The following SLC8A1 variants were observed in gnomAD, a reference collection of about 807,000 sequenced individuals.
The protein encoded by SLC8A1 is solute carrier family 8 member A1, also known as sodium/calcium exchanger 1.
SLC8A1 carries 18 observed loss-of-function variants against 68.3 expected under a neutral mutation model. The ratio of observed to expected loss-of-function variants is 0.26; its 90% confidence interval spans 0.18 to 0.39. The LOEUF (loss-of-function observed/expected upper bound fraction) is 0.39, where lower values mean the gene tolerates loss of function less well. SLC8A1 is among the 10% of genes least tolerant of loss of function. The pLI, the probability that SLC8A1 is intolerant of heterozygous loss-of-function variation, is 1.00. For synonymous variants in SLC8A1, 475 were observed against 415.5 expected (o/e 1.14, Z -1.74); for missense variants, 985 against 1,156.7 (o/e 0.85, Z 2.15).
At chr2:40,274,467 T>C (rs935639679) in intron 2 of SLC8A1, among the ~76,000 whole-genome samples, 2 of 152,098 alleles carry the variant, frequency 1.3e-5, no homozygotes, top group Non-Finnish European at 2.9e-5. Context: ...AAAATGAGCA[T>C]GCCAGAGAAA....
chr2:40,433,110 A>G (rs1401546744), intron 1 of SLC8A1, among the ~76,000 whole-genome samples: 2 of 152,132 alleles, frequency 1.3e-5, no homozygotes, highest in South Asian at 4.1e-4. Flanking sequence ...GCATCATTCC[A>G]TTCTTCACGT....
intron 2 of SLC8A1, among the ~76,000 whole-genome samples, chr2:40,412,895 A>G (rs1373932415): frequency 6.6e-6 from 1 of 152,158 alleles, no homozygotes; most frequent in East Asian, 1.9e-4. Flanking sequence ...TTTTCTGGTT[A>G]TCATTGCTGA....
intron 2 of SLC8A1, among the ~76,000 whole-genome samples, chr2:40,332,409 G>A (rs1248355060): frequency 1.5e-5 from 2 of 129,074 alleles, no homozygotes; most frequent in Non-Finnish European, 3.2e-5. Flanking sequence ...TCCTCTTTCT[G>A]CAACATGTGT....
intron 6 of SLC8A1, among the ~76,000 whole-genome samples, chr2:40,143,958 C>A (rs1055893240): frequency 1.3e-5 from 2 of 152,114 alleles, no homozygotes; most frequent in Non-Finnish European, 2.9e-5. Context: ...ATTTCCCAAG[C>A]CTCAGTTGCT....
At chr2:40,227,335 C>T (rs1210785996) in intron 2 of SLC8A1, among the ~76,000 whole-genome samples, 1 of 152,064 alleles carries the variant, frequency 6.6e-6, no homozygotes, top group Non-Finnish European at 1.5e-5. Flanking sequence ...ATGAGTACCA[C>T]ACTCTGTGAT....
At chr2:40,459,804 G>A (rs1703236618) in intron 1 of SLC8A1, among the ~76,000 whole-genome samples, 1 of 152,086 alleles carries the variant, frequency 6.6e-6, no homozygotes, top group African/African-American at 2.4e-5. Flanking sequence ...CTTTCTATGG[G>A]TCCATCATAC....
intron 2 of SLC8A1, among the ~76,000 whole-genome samples, chr2:40,349,588 G>A (rs1421920658): frequency 6.6e-6 from 1 of 152,080 alleles, no homozygotes; most frequent in Non-Finnish European, 1.5e-5. Flanking sequence ...CTACCTCACA[G>A]GGTTATTGTG....
intron 5 of SLC8A1, 61 bp from the exon 9 acceptor site, chr2:40,160,925 G>C: frequency 1.6e-6 from 2 of 1,241,386 alleles, no homozygotes; most frequent in Non-Finnish European, 2.4e-6. Flanking sequence ...GGAAATCCAA[G>C]ACCTTGTTGA....
chr2:40,384,104 T>G (rs1682816847), intron 2 of SLC8A1, among the ~76,000 whole-genome samples: 1 of 151,812 alleles, frequency 6.6e-6, no homozygotes, highest in Non-Finnish European at 1.5e-5. Context: ...CTACAGTTTT[T>G]TTTTTTAACA....
chr2:40,286,675 G>C (rs540151071), intron 2 of SLC8A1, among the ~76,000 whole-genome samples: 9 of 152,262 alleles, frequency 5.9e-5, no homozygotes, highest in South Asian at 4.1e-4. Context: ...CTTTCTCCAT[G>C]GTCCGGAGCT....
chr2:40,354,972 G>T (rs1672239817), intron 2 of SLC8A1, among the ~76,000 whole-genome samples: 1 of 152,154 alleles, frequency 6.6e-6, no homozygotes, highest in Admixed American at 6.6e-5. Flanking sequence ...AATGCTTTTT[G>T]AAGAGTGTTT....
At chr2:40,372,981 A>G (rs1678622552) in intron 2 of SLC8A1, among the ~76,000 whole-genome samples, 1 of 152,072 alleles carries the variant, frequency 6.6e-6, no homozygotes, top group Non-Finnish European at 1.5e-5. Context: ...CTTACAAAAT[A>G]CCAACAGCAG....
intron 2 of SLC8A1, among the ~76,000 whole-genome samples, chr2:40,192,077 G>A (rs1320037428): frequency 1.3e-5 from 2 of 151,998 alleles, no homozygotes; most frequent in African/African-American, 4.8e-5. Flanking sequence ...GGTTAATATG[G>A]AAAACAAATA....
chr2:40,499,177 A>G (rs888584090), intron 1 of SLC8A1, among the ~76,000 whole-genome samples: 6 of 150,450 alleles, frequency 4.0e-5, no homozygotes, highest in African/African-American at 1.2e-4. Flanking sequence ...GGTATCGGAC[A>G]AAAAGAAGAT....
chr2:40,162,173 G>C (rs1459214085), intron 5 of SLC8A1, among the ~76,000 whole-genome samples: 1 of 152,168 alleles, frequency 6.6e-6, no homozygotes, highest in African/African-American at 2.4e-5. Flanking sequence ...TTTGTGTCTA[G>C]AACTGCTGGT....
intron 2 of SLC8A1, among the ~76,000 whole-genome samples, chr2:40,428,117 G>C (rs1697345487): frequency 1.3e-5 from 2 of 152,014 alleles, no homozygotes; most frequent in Non-Finnish European, 2.9e-5. Context: ...CCTTTTCTGA[G>C]TATATACCAT....
chr2:40,459,373 T>TC (rs1703210932), intron 1 of SLC8A1, among the ~76,000 whole-genome samples: 2 of 151,836 alleles, frequency 1.3e-5, no homozygotes, highest in African/African-American at 2.4e-5. Flanking sequence ...AGTATATTTT[T>TC]TTTTGTTTTG....
intron 2 of SLC8A1, among the ~76,000 whole-genome samples, chr2:40,256,810 A>C (rs562231997): frequency 6.6e-6 from 1 of 152,134 alleles, no homozygotes; most frequent in Non-Finnish European, 1.5e-5. Context: ...CTGCATCCAC[A>C]GGGTTGGGGA....
chr2:40,427,537 T>G (rs922108097), intron 2 of SLC8A1, among the ~76,000 whole-genome samples: 2 of 151,738 alleles, frequency 1.3e-5, no homozygotes, highest in African/African-American at 4.8e-5. Flanking sequence ...AAATTGTTCA[T>G]AGAGTCAAAT....
Sources: gnomAD v4.1 joint callset for allele counts (sites outside exome capture counted in the v4.1 genomes callset) on GRCh38, gnomAD v4.1.1 for gene constraint, MANE v1.5 for transcripts, NCBI Gene and HGNC (gene_info 2026-07-23, HGNC 2026-07-21) for gene names.